FHIP1A: variants seen among roughly 807,000 people sequenced by gnomAD.
FHIP1A encodes FHF complex subunit HOOK-interacting protein 1A.
Under a neutral mutation model 88.6 loss-of-function variants are expected in FHIP1A, and 61 were observed. The ratio of observed to expected loss-of-function variants is 0.69; its 90% CI spans 0.56 to 0.85. The LOEUF (loss-of-function observed/expected upper bound fraction) is 0.85. Ranked by LOEUF, FHIP1A falls within the 40% of genes least tolerant of loss-of-function variation. FHIP1A has a pLI of 0.00. For missense variants in FHIP1A, 1,154 were observed against 1,273.5 expected, an observed-to-expected ratio of 0.91 and a Z score of 1.43; for synonymous variants, 478 against 496.0, an observed-to-expected ratio of 0.96 and a Z score of 0.48.
At chr4:151,655,929 TA>T (rs1737213876) in intron 11 of FHIP1A, among the ~76,000 whole-genome samples, 1 of 152,224 alleles carries the variant, frequency 6.6e-6, no homozygotes, top group African/African-American at 2.4e-5. Context: ...ATTTTAATTT[TA>T]AAAAGTTAAA....
At chr4:151,632,794 C>T (rs955467985) in intron 8 of FHIP1A, among the ~76,000 whole-genome samples, 1 of 151,932 alleles carries the variant, frequency 6.6e-6, no homozygotes, top group Non-Finnish European at 1.5e-5. Flanking sequence ...AATGAAAGCA[C>T]AATATACCCA....
At chr4:151,411,721 C>A (rs1445965031) in intron 1 of FHIP1A, among the ~76,000 whole-genome samples, 1 of 152,056 alleles carries the variant, frequency 6.6e-6, no homozygotes, top group Non-Finnish European at 1.5e-5. Flanking sequence ...AGCAAAATTG[C>A]TTTATTTAAT....
At chr4:151,611,991 T>C (rs1209486831) in intron 7 of FHIP1A, among the ~76,000 whole-genome samples, 1 of 152,232 alleles carries the variant, frequency 6.6e-6, no homozygotes, top group Non-Finnish European at 1.5e-5. Flanking sequence ...AGAAAAATGA[T>C]TATGTACATT....
In FHIP1A at chr4:151,650,477, C is replaced by G. The variant is rs1344921933; in HGVS notation, c.2436C>G (p.Asp812Glu). Residue 812 changes from aspartate (D) to glutamate (E), a missense_variant, in exon 11 of 14, where the codon GAC becomes GAG. Physicochemically the swap from Asp to Glu is conservative, Grantham distance 45. Transcript: ENST00000435205. ...KELEDEEDDF[D>E]SFIAEMPAVE... ...TAGAAGATGAGGAGGATGACTTTGA[C>G]TCTTTTATAGCGGAGATGCCTGCTG... The G allele has an allele frequency of 6.4e-7, 1 of 1,551,568 alleles. No homozygotes were observed. Among genetic ancestry groups the G allele is most frequent in the South Asian group, 1.2e-5 (1 of 84,062 alleles).
chr4:151,564,238 C>G (rs918387062), intron 3 of FHIP1A, among the ~76,000 whole-genome samples: 3 of 152,140 alleles, frequency 2.0e-5, no homozygotes, highest in Admixed American at 6.5e-5. Flanking sequence ...CTGGAAAGAC[C>G]TGAGTCTTGT....
chr4:151,567,840 T>C (rs1175923055), intron 4 of FHIP1A, among the ~76,000 whole-genome samples: 1 of 152,222 alleles, frequency 6.6e-6, no homozygotes, highest in African/African-American at 2.4e-5. Flanking sequence ...TGTTTTTAAC[T>C]GAGAACATTT....
chr4:151,662,853 A>C lies in FHIP1A; in HGVS notation c.*99A>C, dbSNP rs1374656759. The stretch of plus-strand genomic sequence containing the variant: ...GCTGCTTACAAAGATTTCTACTTTA[A>C]TGTTTCCTGACAATACTTGATTTGT... On this transcript the variant is annotated 3_prime_UTR_variant, in exon 14 of 14. Transcript: ENST00000435205. 3 of 1,148,402 alleles carry C rather than the reference A, an allele frequency of 2.6e-6. No individual in the cohort carries two copies. Among genetic ancestry groups the C allele is most frequent in the African/African-American group, 1.6e-5 (1 of 62,616 alleles). 71.1% of individuals were successfully genotyped at this position (1,148,402 alleles called of 1,614,324 possible). A position where few individuals can be genotyped will look rare whatever the true frequency, so the allele number is the denominator to read the frequency against.
intron 7 of FHIP1A, among the ~76,000 whole-genome samples, chr4:151,620,045 A>G (rs1045422916): frequency 8.5e-5 from 13 of 152,244 alleles, no homozygotes; most frequent in Admixed American, 2.0e-4. Flanking sequence ...GACATTTAGT[A>G]GTGCCTGCCA....
intron 4 of FHIP1A, 42 bp from the exon 5 acceptor site, chr4:151,577,408 G>T: frequency 6.8e-7 from 1 of 1,473,100 alleles, no homozygotes; most frequent in South Asian, 1.4e-5. Flanking sequence ...TTGTAATTAT[G>T]ATAAACATCA....
chr4:151,532,747 T>C (rs539746023), intron 3 of FHIP1A, among the ~76,000 whole-genome samples: 2 of 152,242 alleles, frequency 1.3e-5, no homozygotes, highest in East Asian at 3.9e-4. Context: ...ATAGGTTTAA[T>C]TGGACTTAGA....
chr4:151,489,843 C>T (rs576482010), intron 3 of FHIP1A, among the ~76,000 whole-genome samples: 3 of 152,234 alleles, frequency 2.0e-5, no homozygotes, highest in South Asian at 2.1e-4. Flanking sequence ...AGTTCAGACC[C>T]GCCTAACCCT....
intron 3 of FHIP1A, among the ~76,000 whole-genome samples, chr4:151,549,815 A>G (rs547502490): frequency 3.3e-5 from 5 of 152,146 alleles, no homozygotes; most frequent in Non-Finnish European, 7.4e-5. Context: ...AAGTTTCCTT[A>G]AAAATACATG....
At chr4:151,540,898 A>G (rs1467860846) in intron 3 of FHIP1A, among the ~76,000 whole-genome samples, 1 of 152,178 alleles carries the variant, frequency 6.6e-6, no homozygotes, top group Non-Finnish European at 1.5e-5. Context: ...TAGAACAGAC[A>G]AGACAACTTG....
chr4:151,516,301 C>A (rs1731233748), intron 3 of FHIP1A, among the ~76,000 whole-genome samples: 1 of 151,768 alleles, frequency 6.6e-6, no homozygotes, highest in African/African-American at 2.4e-5. Flanking sequence ...AAAATTAATT[C>A]AAGATGGATT....
At chr4:151,574,332 A>G (rs921897407) in intron 4 of FHIP1A, among the ~76,000 whole-genome samples, 1 of 152,206 alleles carries the variant, frequency 6.6e-6, no homozygotes, top group Non-Finnish European at 1.5e-5. Flanking sequence ...AAGCTGCTAA[A>G]CAGTTTGCAT....
chr4:151,587,002 GAGT>G (rs1734242597), intron 6 of FHIP1A, among the ~76,000 whole-genome samples: 2 of 152,136 alleles, frequency 1.3e-5, no homozygotes. Context: ...GAAAAAAAAT[GAGT>G]AGATTTTCTT....
At chr4:151,584,962 T>C (rs1012000090) in intron 5 of FHIP1A, among the ~76,000 whole-genome samples, 1 of 152,176 alleles carries the variant, frequency 6.6e-6, no homozygotes, top group African/African-American at 2.4e-5. Flanking sequence ...GTAAGAGTCT[T>C]TTGTAAATCC....
intron 7 of FHIP1A, among the ~76,000 whole-genome samples, chr4:151,602,279 C>T (rs146182232): frequency 1.2e-4 from 19 of 152,250 alleles, no homozygotes; most frequent in Admixed American, 1.2e-3. Flanking sequence ...ATTATCATAA[C>T]TATTGCAGGA....
intron 1 of FHIP1A, among the ~76,000 whole-genome samples, chr4:151,413,022 A>C (rs1017711292): frequency 2.6e-5 from 4 of 152,036 alleles, no homozygotes; most frequent in African/African-American, 9.7e-5. Flanking sequence ...GCTCATGTGG[A>C]GACAGGATGA....
Sources: allele counts gnomAD v4.1 joint callset (sites outside exome capture counted in the v4.1 genomes callset), GRCh38; gene constraint gnomAD v4.1.1; transcripts MANE v1.5; gene names NCBI Gene and HGNC (gene_info 2026-07-23, HGNC 2026-07-21).